Variants in ZWILCH observed in about 807,000 individuals in gnomAD.
ZWILCH encodes zwilch kinetochore protein.
ZWILCH carries 74 observed loss-of-function variants against 79.9 expected under a neutral mutation model. That is an observed-to-expected ratio of 0.93 (90% confidence interval 0.77 to 1.12). The LOEUF (loss-of-function observed/expected upper bound fraction) is 1.12, where lower values mean the gene tolerates loss of function less well. Among genes scored for constraint, ZWILCH ranks in the 50% most tolerant of loss-of-function variants. The pLI, the probability that ZWILCH is intolerant of heterozygous loss-of-function variation, is 0.00. For synonymous variants in ZWILCH, 241 were observed against 228.2 expected (o/e 1.06, Z -0.51); for missense variants, 694 against 687.5 (o/e 1.01, Z -0.11).
At chr15:66,532,470 G>T in intron 13 of ZWILCH, 67 bp downstream of exon 13, 1 of 1,426,726 alleles carries the variant, frequency 7.0e-7, no homozygotes, top group South Asian at 1.4e-5. Context: ...GATATTCTCG[G>T]ATTTTCTGTT....
chr15:66,515,597 T>C lies in ZWILCH; in HGVS notation c.273T>C (p.Ser91=). 2 of 1,613,814 alleles carry C rather than the reference T, an allele frequency of 1.2e-6. No individual in the cohort carries two copies. Among genetic ancestry groups the C allele is most frequent in the Non-Finnish European group, 1.7e-6 (2 of 1,179,862 alleles). The part of the protein sequence containing the change: ...QSEETAISDF[S]TGENVGPLAL... ...AAGAAACTGCCATATCTGATTTCTC[T>C]ACTGGCGAAAATGTTGGACCACTTG... The change falls in exon 4 of 19, where the codon TCT becomes TCC. Residue 91 remains serine, a synonymous_variant. Coordinates refer to ENST00000307897, the MANE Select transcript of ZWILCH (RefSeq NM_017975.5).
intron 8 of ZWILCH, among the ~76,000 whole-genome samples, chr15:66,526,758 G>A (rs961422989): frequency 5.9e-5 from 9 of 152,026 alleles, no homozygotes; most frequent in Middle Eastern, 3.4e-3. Flanking sequence ...CACGGCGCCC[G>A]GCACTTGACT....
chr15:66,515,391 C>T (rs1894213771), intron 3 of ZWILCH, 135 bp from the exon 4 acceptor site: 3 of 617,544 alleles, frequency 4.9e-6, no homozygotes, highest in Non-Finnish European at 8.1e-6. Flanking sequence ...TTGCCAAAAC[C>T]CAATCATTTG....
chr15:66,532,390 C>T lies in ZWILCH; in HGVS notation c.1299C>T (p.Ile433=), dbSNP rs1214763268. ...TGGACAAACTAAAGAAAGATTATAT[C>T]AGTTTTTTCATAGGTAAGTATCTTT... ...IGLDKLKKDY[I]SFFIGQELAS... The change falls in exon 13 of 19, where the codon ATC becomes ATT. Residue 433 remains isoleucine (I), a synonymous_variant. Transcript: ENST00000307897. 31 of 1,606,288 alleles carry T rather than the reference C, an allele frequency of 1.9e-5. No homozygotes were observed. The highest frequency in any genetic ancestry group is 2.6e-5 in the Non-Finnish European group (31 of 1,177,486).
At chr15:66,523,438 A>G (rs1894572324) in intron 7 of ZWILCH, 1 of 355,134 alleles carries the variant, frequency 2.8e-6, no homozygotes, top group Non-Finnish European at 5.1e-6. Context: ...CCACATAGGT[A>G]CAATTGTTTA....
At chr15:66,538,014 T>C (rs767968413) in intron 16 of ZWILCH, among the ~76,000 whole-genome samples, 3 of 152,044 alleles carry the variant, frequency 2.0e-5, no homozygotes, top group African/African-American at 4.8e-5. Flanking sequence ...GATAACAGGG[T>C]CTAGGGTATG....
At chr15:66,542,311 C>T (rs1895216105) in intron 17 of ZWILCH, among the ~76,000 whole-genome samples, 1 of 152,042 alleles carries the variant, frequency 6.6e-6, no homozygotes, top group Non-Finnish European at 1.5e-5. Flanking sequence ...AAAGGCCGGG[C>T]GCGGGGGCTC....
intron 8 of ZWILCH, among the ~76,000 whole-genome samples, chr15:66,525,928 A>G: frequency 6.6e-6 from 1 of 151,350 alleles, no homozygotes; most frequent in East Asian, 1.9e-4. Flanking sequence ...TGCCCTGCTA[A>G]TTTTTTTGTG....
At chr15:66,521,981 C>T (rs941324386) in intron 7 of ZWILCH, among the ~76,000 whole-genome samples, 2 of 152,092 alleles carry the variant, frequency 1.3e-5, no homozygotes, top group Non-Finnish European at 2.9e-5. Flanking sequence ...GGATGGATCA[C>T]GGGGTCAGGA....
intron 18 of ZWILCH, chr15:66,547,002 AT>A (rs1363276528): frequency 6.4e-6 from 1 of 155,808 alleles, no homozygotes; most frequent in African/African-American, 2.4e-5. Flanking sequence ...AGTGAGTTTG[AT>A]TTTGAAAACA....
chr15:66,535,976 A>T lies in ZWILCH; in HGVS notation c.1385A>T (p.Tyr462Phe). The T allele has an allele frequency of 1.9e-6, 3 of 1,612,634 alleles. No homozygotes were observed. The highest frequency in any genetic ancestry group is 2.5e-6 in the Non-Finnish European group (3 of 1,179,666). The change falls in exon 15 of 19, where the codon TAT (tyrosine) becomes TTT (phenylalanine). Residue 462 changes from tyrosine (Y) to phenylalanine (F), a missense_variant. Tyr to Phe is a conservative substitution (Grantham distance 22). Transcript: ENST00000307897. ...TCAGTAGATATACAAGAACAGGTTT[A>T]TCGTGTCCAAAAACTCCACCATATT... The part of the protein sequence containing the change: ...APSVDIQEQV[Y>F]RVQKLHHILE...
chr15:66,523,635 G>A (rs779433419), intron 7 of ZWILCH, 42 bp from the exon 8 acceptor site: 19 of 1,295,958 alleles, frequency 1.5e-5, no homozygotes, highest in Non-Finnish European at 2.1e-5. Flanking sequence ...AGAGAAGGTA[G>A]GATTAGCACT....
chr15:66,513,909 A>T (rs1351378182), intron 2 of ZWILCH, 79 bp from the exon 3 acceptor site: 1 of 1,167,646 alleles, frequency 8.6e-7, no homozygotes, highest in Non-Finnish European at 1.2e-6. Context: ...ATTGACTTGC[A>T]TAGAACTGGT....
chr15:66,517,430 G>GTGTATATATATATATATATA, intron 4 of ZWILCH, among the ~76,000 whole-genome samples: 11 of 66,518 alleles, frequency 1.7e-4, no homozygotes, highest in African/African-American at 6.7e-4. Flanking sequence ...GTGTGTGTGT[G>GTGTATATATATATATATATA]TATATATATA....
At position 66,528,912 on chromosome 15, in the gene ZWILCH, A is replaced by G. The variant is rs11071896; in HGVS notation, c.1030A>G (p.Ser344Gly). The stretch of plus-strand genomic sequence containing the variant: ...CGTCAAGCGTCTTTTCAAAGTTCGG[A>G]GTGATCTTGATTTTGCTGAGCAACT... ...RSVKRLFKVRSDLDFAEQLWC... is the reference protein window; with the variant it reads ...RSVKRLFKVRGDLDFAEQLWC... The change falls in exon 11 of 19, where the codon AGT (serine) becomes GGT (glycine). Residue 344 changes from serine to glycine, a missense_variant. Ser to Gly is a moderately conservative substitution (Grantham distance 56). Coordinates refer to ENST00000307897, the MANE Select transcript of ZWILCH (RefSeq NM_017975.5). The G allele has an allele frequency of 0.24, 393,390 of 1,613,536 alleles. 51,135 individuals are homozygous for G. The highest frequency in any genetic ancestry group is 0.33 in the South Asian group (30,089 of 91,010).
chr15:66,527,741 TA>T, intron 9 of ZWILCH, 115 bp from the exon 10 acceptor site: 1 of 884,060 alleles, frequency 1.1e-6, no homozygotes, highest in Non-Finnish European at 1.7e-6. Flanking sequence ...AGTGATTTGC[TA>T]AAATCCTTAG....
At chr15:66,535,031 T>C (rs1894966315) in intron 14 of ZWILCH, among the ~76,000 whole-genome samples, 2 of 152,200 alleles carry the variant, frequency 1.3e-5, no homozygotes, top group South Asian at 4.1e-4. Context: ...TGAGCTTTTT[T>C]CTATTTTTAA....
In ZWILCH at chr15:66,540,211, G is replaced by A; in HGVS notation, c.1687+1G>A. On this transcript the variant is annotated splice_donor_variant, in intron 17 of 18. Coordinates refer to ENST00000307897, the MANE Select transcript of ZWILCH (RefSeq NM_017975.5). LOFTEE classifies it high-confidence loss of function. ...GACCATCTGAATTTTCACAAACCTG[G>A]TAAAGATGGTTTATAATCTGTTCAG... 6.3e-7 allele frequency: 1 copy of A among 1,597,708 alleles called. No individual in the cohort carries two copies. The highest frequency in any genetic ancestry group is 8.6e-7 in the Non-Finnish European group (1 of 1,166,906).
chr15:66,509,860 T>TAC (rs1476390028), intron 2 of ZWILCH, among the ~76,000 whole-genome samples: 2 of 85,130 alleles, frequency 2.3e-5, no homozygotes, highest in African/African-American at 7.4e-5. Context: ...TATATATATA[T>TAC]ATATATATAT....
Sources: allele counts gnomAD v4.1 joint callset (sites outside exome capture counted in the v4.1 genomes callset), GRCh38; gene constraint gnomAD v4.1.1; transcripts MANE v1.5; gene names NCBI Gene and HGNC (gene_info 2026-07-23, HGNC 2026-07-21).